Variants in ERC2 observed in about 807,000 individuals in gnomAD.
ERC2 encodes the protein ERC protein 2.
A neutral mutation model predicts 114.8 loss-of-function variants in ERC2; 42 were observed. The ratio of observed to expected loss-of-function variants is 0.37; its 90% CI spans 0.29 to 0.47. The LOEUF is 0.47. ERC2 is among the 20% of genes least tolerant of loss of function. ERC2 has a pLI of 0.99. For missense variants in ERC2, 939 were observed against 1,150.7 expected (o/e 0.82, Z 2.66); for synonymous variants, 454 against 425.5 (o/e 1.07, Z -0.82).
At chr3:55,871,135 G>A (rs1240434997) in intron 14 of ERC2, among the ~76,000 whole-genome samples, 1 of 152,210 alleles carries the variant, frequency 6.6e-6, no homozygotes, top group Non-Finnish European at 1.5e-5. Context: ...TGGTGTCAAA[G>A]TTGGATGTAC....
At chr3:56,233,563 G>A (rs1470323454) in intron 3 of ERC2, among the ~76,000 whole-genome samples, 1 of 151,176 alleles carries the variant, frequency 6.6e-6, no homozygotes, top group African/African-American at 2.4e-5. Context: ...AGAATTGCTT[G>A]ACCCCAGGAG....
chr3:55,686,999 A>G lies in ERC2; in HGVS notation c.2848-3140T>C, dbSNP rs1313543198. 2.6e-5 allele frequency among the ~76,000 whole-genome samples: 4 copies of G among 152,354 alleles called. No homozygotes were observed. The East Asian group carries it at 7.7e-4, about 29-fold the overall frequency. On this transcript the variant is annotated intron_variant, in intron 16 of 17. Transcript: ENST00000288221. ...ATTCTGAAGGGGAGGAGGTTTAACT[A>G]TCAAATAACCTCAGGACACATCTAC...
At chr3:55,636,790 G>A (rs560375756) in intron 17 of ERC2, among the ~76,000 whole-genome samples, 9 of 152,280 alleles carry the variant, frequency 5.9e-5, no homozygotes, top group South Asian at 2.1e-4. Flanking sequence ...AATCTGGCCC[G>A]CAGCCCTACG....
rs1279011785 is a variant in ERC2 at position 56,434,170 on chromosome 3, A to ACAAGC, written c.657+176_657+180dup. 4.2e-5 allele frequency: 25 copies of ACAAGC among 589,270 alleles called. 1 individual carries two copies. Among genetic ancestry groups the ACAAGC allele is most frequent in the Non-Finnish European group, 4.7e-5 (16 of 339,854 alleles). 36.5% of individuals were successfully genotyped at this position (589,270 alleles called of 1,614,324 possible). On this transcript the variant is annotated intron_variant, in intron 2 of 17. Coordinates refer to ENST00000288221, the MANE Select transcript of ERC2 (RefSeq NM_015576.3). ...AAGGTTATCGGAAAATAAGGAAATT[A>ACAAGC]CAAGCTGTAATGGTATATTTCCTAT... is the stretch of plus-strand genomic sequence containing the variant.
chr3:56,084,550 C>T (rs567960489), intron 6 of ERC2, among the ~76,000 whole-genome samples: 8 of 152,094 alleles, frequency 5.3e-5, no homozygotes, highest in Non-Finnish European at 1.2e-4. Flanking sequence ...TCTTCTGCAG[C>T]AACCTGGATG....
At chr3:55,539,637 C>T (rs1470880243) in intron 17 of ERC2, among the ~76,000 whole-genome samples, 2 of 151,390 alleles carry the variant, frequency 1.3e-5, no homozygotes, top group African/African-American at 2.4e-5. Flanking sequence ...CCATGTTAGC[C>T]AGGATGGTCT....
intron 14 of ERC2, among the ~76,000 whole-genome samples, chr3:55,875,593 G>A (rs901736518): frequency 3.9e-5 from 6 of 151,952 alleles, no homozygotes; most frequent in African/African-American, 9.7e-5. Flanking sequence ...GTTCTCGATC[G>A]CTTTGCTCCT....
At chr3:56,153,815 A>G (rs1447586897) in intron 4 of ERC2, among the ~76,000 whole-genome samples, 1 of 152,188 alleles carries the variant, frequency 6.6e-6, no homozygotes, top group Non-Finnish European at 1.5e-5. Flanking sequence ...TTCCTTTTAA[A>G]TACCGTGAGA....
Position 55,620,471 on chromosome 3 carries a change from G to A in ERC2, c.*39+63323C>T, listed in dbSNP as rs540182680. 1.1e-4 allele frequency among the ~76,000 whole-genome samples: 16 copies of A among 152,264 alleles called. No homozygotes were observed. The South Asian group carries it at 2.5e-3, about 24-fold the overall frequency. ...CCTGGAGCGAGCCCTAAAGCAGCAC[G>A]GACTTGCTTTTCACAATGACTCTGC... is the stretch of plus-strand genomic sequence containing the variant. On this transcript the variant is annotated intron_variant, in intron 17 of 17. Transcript: ENST00000288221.
At position 55,772,401 on chromosome 3, in the gene ERC2, G is replaced by A. The variant is rs1320454863; in HGVS notation, c.2565-37483C>T. Among the ~76,000 whole-genome samples, 10 of 151,974 alleles carry A rather than the reference G, an allele frequency of 6.6e-5. No homozygotes were observed. The East Asian group carries it at 1.8e-3, about 27-fold the overall frequency. The stretch of plus-strand genomic sequence containing the variant: ...GCGATCTCGGCTCACTGCAAGCTCC[G>A]CCTCCCGGGTTCATGCCATTCTCCT... On this transcript the variant is annotated intron_variant, in intron 14 of 17. Coordinates refer to ENST00000288221, the MANE Select transcript of ERC2 (RefSeq NM_015576.3).
intron 17 of ERC2, among the ~76,000 whole-genome samples, chr3:55,542,948 A>G (rs930630292): frequency 2.0e-5 from 3 of 152,162 alleles, no homozygotes; most frequent in African/African-American, 7.2e-5. Flanking sequence ...TACCCCTTAG[A>G]GAAGGGAATC....
intron 14 of ERC2, among the ~76,000 whole-genome samples, chr3:55,783,019 G>A (rs922130272): frequency 1.3e-5 from 2 of 152,238 alleles, no homozygotes; most frequent in Non-Finnish European, 2.9e-5. Flanking sequence ...AACAGCTGGT[G>A]TGGCCAGCCA....
At chr3:56,323,388 A>G (rs139982473) in intron 2 of ERC2, among the ~76,000 whole-genome samples, 228 of 152,294 alleles carry the variant, frequency 1.5e-3, no homozygotes, top group African/African-American at 4.8e-3. Flanking sequence ...GTCTTTGACA[A>G]TGAGATATCA....
intron 17 of ERC2, among the ~76,000 whole-genome samples, chr3:55,633,146 A>G (rs1403213671): frequency 6.6e-6 from 1 of 152,210 alleles, no homozygotes; most frequent in Non-Finnish European, 1.5e-5. Context: ...TGCCTGACCG[A>G]TATCAGCACA....
chr3:56,090,359 C>T (rs972962548), intron 6 of ERC2, among the ~76,000 whole-genome samples: 8 of 152,314 alleles, frequency 5.3e-5, no homozygotes, highest in Admixed American at 2.0e-4. Flanking sequence ...ACCAGAATCA[C>T]TTCTTCATTC....
chr3:56,050,275 C>T (rs1355906274), intron 7 of ERC2, among the ~76,000 whole-genome samples: 1 of 152,138 alleles, frequency 6.6e-6, no homozygotes, highest in African/African-American at 2.4e-5. Context: ...ACCACTAAGA[C>T]TCAAGGGAAG....
At chr3:55,911,373 T>C (rs2064801752) in intron 13 of ERC2, among the ~76,000 whole-genome samples, 1 of 152,194 alleles carries the variant, frequency 6.6e-6, no homozygotes, top group South Asian at 2.1e-4. Flanking sequence ...AATGTAATAT[T>C]GGAGGCCTGT....
intron 4 of ERC2, among the ~76,000 whole-genome samples, chr3:56,153,444 T>C (rs2081536164): frequency 6.6e-6 from 1 of 152,170 alleles, no homozygotes; most frequent in Non-Finnish European, 1.5e-5. Context: ...TAAATGACTG[T>C]ACATGTCCAG....
chr3:55,901,188 A>ATCTGT (rs1442753185), intron 13 of ERC2, among the ~76,000 whole-genome samples: 1 of 152,180 alleles, frequency 6.6e-6, no homozygotes, highest in Non-Finnish European at 1.5e-5. Flanking sequence ...AATAGTCATT[A>ATCTGT]TCTGTTTTGA....
Sources: gnomAD v4.1 joint callset for allele counts (sites outside exome capture counted in the v4.1 genomes callset) on GRCh38, gnomAD v4.1.1 for gene constraint, MANE v1.5 for transcripts, NCBI Gene and HGNC (gene_info 2026-07-23, HGNC 2026-07-21) for gene names.